Variants in CCN4 observed in about 807,000 individuals in gnomAD.
CCN4 encodes the protein cellular communication network factor 4, also known as CCN family member 4.
A neutral mutation model predicts 36.7 loss-of-function variants in CCN4; 30 were observed. The observed-to-expected ratio is 0.82, with a 90% CI of 0.61 to 1.11. The LOEUF (loss-of-function observed/expected upper bound fraction) is 1.11, where lower values mean the gene tolerates loss of function less well. Ranked by LOEUF, CCN4 falls within the 50% of genes least tolerant of loss-of-function variation. The probability of loss-of-function intolerance (pLI) is 0.00; values close to 1 mark genes in which losing one functional copy is unlikely to be tolerated. For missense variants in CCN4, 505 were observed against 504.9 expected, an observed-to-expected ratio of 1.00 and a Z score of 0.00; for synonymous variants, 191 against 195.4, an observed-to-expected ratio of 0.98 and a Z score of 0.19.
chr8:133,194,692 T>TGGGG (rs1853283825), intron 1 of CCN4, among the ~76,000 whole-genome samples: 1 of 110,714 alleles, frequency 9.0e-6, no homozygotes, highest in African/African-American at 4.3e-5. Flanking sequence ...GTGGTGTGTG[T>TGGGG]GTGGAGGGTG....
At chr8:133,210,555 A>T (rs1407819478) in intron 1 of CCN4, among the ~76,000 whole-genome samples, 1 of 151,992 alleles carries the variant, frequency 6.6e-6, no homozygotes, top group Admixed American at 6.5e-5. Flanking sequence ...TCTGTTCCCT[A>T]CCAGCAAGGC....
chr8:133,223,716 T>C (rs1247513299), intron 3 of CCN4, among the ~76,000 whole-genome samples: 2 of 152,080 alleles, frequency 1.3e-5, no homozygotes, highest in Non-Finnish European at 2.9e-5. Context: ...CATCTGTCTT[T>C]CCATCCCTTC....
Position 133,228,482 on chromosome 8 carries a change from C to T in CCN4, c.*772C>T, listed in dbSNP as rs1195108382. ...TCAGAAGGACCAATTGACTCTCACA[C>T]TGAATCAGCTGCTGACTGGCAGGGC... On this transcript the variant is annotated 3_prime_UTR_variant, in exon 5 of 5. Coordinates refer to ENST00000250160, the MANE Select transcript of CCN4 (RefSeq NM_003882.4). 1 of 152,258 alleles carries T rather than the reference C, an allele frequency of 6.6e-6. No homozygotes were observed. Among genetic ancestry groups the T allele is most frequent in the South Asian group, 2.1e-4 (1 of 4,836 alleles). The allele number at this position is 152,258 out of a possible 1,614,324, so 9.4% of individuals were successfully genotyped here.
chr8:133,200,818 A>G (rs1046669592), intron 1 of CCN4, among the ~76,000 whole-genome samples: 2 of 152,130 alleles, frequency 1.3e-5, no homozygotes, highest in African/African-American at 4.8e-5. Flanking sequence ...CCTGACTGCC[A>G]TCTCCGTGTC....
chr8:133,214,906 G>T (rs1191873057), intron 2 of CCN4, among the ~76,000 whole-genome samples: 3 of 152,062 alleles, frequency 2.0e-5, no homozygotes, highest in Non-Finnish European at 2.9e-5. Flanking sequence ...TTGTCCATGA[G>T]GGTTATGTAC....
At chr8:133,225,605 A>G in intron 4 of CCN4, 22 bp downstream of exon 4, 1 of 1,534,390 alleles carries the variant, frequency 6.5e-7, no homozygotes, top group Non-Finnish European at 8.8e-7. Flanking sequence ...GCAGGTGTGG[A>G]TGTCTAGACT....
In CCN4 at chr8:133,217,948, A is replaced by ACGCACACACACACACACACACT. The variant is rs1268672980; in HGVS notation, c.350-2632_350-2631insGCACACACACACACACACACTC. 3.3e-5 allele frequency among the ~76,000 whole-genome samples: 5 copies of ACGCACACACACACACACACACT among 151,762 alleles called. No homozygotes were observed. In the South Asian group the frequency reaches 1.0e-3, roughly 32 times the overall value. ...CCCACTCCCTTCTCCACACACACAC[A>ACGCACACACACACACACACACT]CACACACACACACTCTTCCTGGAGA... On this transcript the variant is annotated intron_variant, in intron 2 of 4. Coordinates refer to ENST00000250160, the MANE Select transcript of CCN4 (RefSeq NM_003882.4).
At chr8:133,224,225 A>T (rs2977547) in intron 3 of CCN4, among the ~76,000 whole-genome samples, 128,219 of 128,308 alleles carry the variant, frequency 1, 64,066 homozygotes, top group Middle Eastern at 1. Context: ...GAAGCCCGTA[A>T]GTCCTTTTTT....
chr8:133,224,229 CTTTTTTTTT>C lies in CCN4; in HGVS notation c.611-1140_611-1132del, dbSNP rs59929763. Among the ~76,000 whole-genome samples the C allele has an allele frequency of 5.6e-5, 5 of 88,514 alleles. 1 individual carries two copies. Among genetic ancestry groups the C allele is most frequent in the East Asian group, 3.8e-4 (1 of 2,640 alleles). 58.1% of individuals were successfully genotyped at this position (88,514 alleles called of 152,430 possible). On this transcript the variant is annotated intron_variant, in intron 3 of 4. Coordinates refer to ENST00000250160, the MANE Select transcript of CCN4 (RefSeq NM_003882.4). ...GATTTGAATTTGAAGCCCGTAAGTC[CTTTTTTTTT>C]TTTTTTTTTTTTTTTTTTTTGAGAC...
At chr8:133,219,121 A>C (rs1249874145) in intron 2 of CCN4, among the ~76,000 whole-genome samples, 1 of 151,828 alleles carries the variant, frequency 6.6e-6, no homozygotes, top group Non-Finnish European at 1.5e-5. Context: ...CATGTCCTCA[A>C]CTCAGCACCA....
intron 1 of CCN4, among the ~76,000 whole-genome samples, chr8:133,204,982 G>C (rs898765738): frequency 3.9e-5 from 6 of 152,376 alleles, no homozygotes; most frequent in Admixed American, 1.3e-4. Flanking sequence ...TCTCTGAGTA[G>C]AGTGTCCATT....
intron 1 of CCN4, among the ~76,000 whole-genome samples, chr8:133,204,228 A>G (rs1479348590): frequency 6.6e-6 from 1 of 152,200 alleles, no homozygotes. Flanking sequence ...AGGATAAAAT[A>G]CATCATTTTC....
chr8:133,226,534 T>C (rs905432366), intron 4 of CCN4, among the ~76,000 whole-genome samples: 11 of 152,204 alleles, frequency 7.2e-5, no homozygotes, highest in African/African-American at 2.7e-4. Context: ...CTGCGCTTGG[T>C]ATACAGTAAG....
chr8:133,214,622 C>T (rs1037899947), intron 2 of CCN4, among the ~76,000 whole-genome samples: 1 of 151,942 alleles, frequency 6.6e-6, no homozygotes, highest in Non-Finnish European at 1.5e-5. Flanking sequence ...ACTTTCTGAC[C>T]CCCTGCTTCT....
At chr8:133,206,604 A>ATG (rs1460433510) in intron 1 of CCN4, among the ~76,000 whole-genome samples, 1 of 152,106 alleles carries the variant, frequency 6.6e-6, no homozygotes, top group African/African-American at 2.4e-5. Flanking sequence ...GTGTGTGCGC[A>ATG]TGTGTGTGTG....
intron 1 of CCN4, among the ~76,000 whole-genome samples, chr8:133,196,714 A>G (rs1012662758): frequency 2.6e-5 from 4 of 152,180 alleles, no homozygotes; most frequent in African/African-American, 4.8e-5. Flanking sequence ...CATTAGTACT[A>G]TTGGCTTGTT....
chr8:133,220,793 G>A lies in CCN4; in HGVS notation c.562G>A (p.Asp188Asn), dbSNP rs760043627. The A allele has an allele frequency of 1.7e-5, 27 of 1,610,800 alleles. No homozygotes were observed. The highest frequency in any genetic ancestry group is 1.6e-4 in the East Asian group (7 of 44,772). Residue 188 changes from aspartate to asparagine, a missense_variant, in exon 3 of 5, where the codon GAC becomes AAC. Coordinates refer to ENST00000250160, the MANE Select transcript of CCN4 (RefSeq NM_003882.4). ...CTGTGAGCAGTGGGTATGTGAGGAC[G>A]ACGCCAAGAGGCCACGCAAGACCGC... ...HCCEQWVCED[D>N]AKRPRKTAPR... is the part of the protein sequence containing the mutation.
At chr8:133,220,876 C>A in intron 3 of CCN4, 35 bp downstream of exon 3, 3 of 1,572,336 alleles carry the variant, frequency 1.9e-6, no homozygotes, top group Non-Finnish European at 1.7e-6. Context: ...GGGGTGGGAC[C>A]CTACAAATGG....
chr8:133,197,108 GGT>G (rs999649614), intron 1 of CCN4, among the ~76,000 whole-genome samples: 21 of 152,144 alleles, frequency 1.4e-4, no homozygotes, highest in Non-Finnish European at 1.2e-4. Flanking sequence ...TGGTGGTGGT[GGT>G]GGTGGTGCCT....
Sources: gnomAD v4.1 joint callset for allele counts (sites outside exome capture counted in the v4.1 genomes callset) on GRCh38, gnomAD v4.1.1 for gene constraint, MANE v1.5 for transcripts, NCBI Gene and HGNC (gene_info 2026-07-23, HGNC 2026-07-21) for gene names.